The following TDRD15 variants were observed in gnomAD, a reference collection of about 807,000 sequenced individuals.
The protein encoded by TDRD15 is tudor domain-containing protein 15.
For synonymous variants in TDRD15, 503 were observed against 314.5 expected (o/e 1.60, Z -6.34); for missense variants, 1,416 against 904.7 (o/e 1.57, Z -7.25).
At chr2:21,130,216 A>C (rs1271112794) in intron 2 of TDRD15, among the ~76,000 whole-genome samples, 1 of 152,194 alleles carries the variant, frequency 6.6e-6, no homozygotes, top group African/African-American at 2.4e-5. Context: ...TGACAGCTTT[A>C]GTTCTTACCC....
chr2:21,124,531 T>A (rs1342486104), intron 1 of TDRD15, among the ~76,000 whole-genome samples: 2 of 130,722 alleles, frequency 1.5e-5, no homozygotes, highest in African/African-American at 3.0e-5. Flanking sequence ...TGTGTGTGTG[T>A]GAGAGAAACC....
At chr2:21,146,525 C>T (rs899032295), downstream of TDRD15, among the ~76,000 whole-genome samples, 1 of 151,970 alleles carries the variant, frequency 6.6e-6, no homozygotes, top group African/African-American at 2.4e-5. Context: ...TGCTTGCCCA[C>T]ATGCTTGTTT....
chr2:21,126,626 A>G (rs1665604102), intron 1 of TDRD15, among the ~76,000 whole-genome samples: 1 of 152,162 alleles, frequency 6.6e-6, no homozygotes, highest in Non-Finnish European at 1.5e-5. Context: ...TTGGCCTCCC[A>G]AAGTGCTGGG....
At position 21,142,739 on chromosome 2, in the gene TDRD15, A is replaced by T; in HGVS notation, c.5272A>T (p.Ile1758Leu). Residue 1758 changes from isoleucine to leucine, a missense_variant, in exon 4 of 4, where the codon ATA becomes TTA. Physicochemically the swap from Ile to Leu is conservative, Grantham distance 5. Coordinates refer to ENST00000405799, the MANE Select transcript of TDRD15 (RefSeq NM_001306137.2). ...FSIQLEDFFDIMKYLFMLLSD... is the reference protein window; with the variant it reads ...FSIQLEDFFDLMKYLFMLLSD... The stretch of plus-strand genomic sequence containing the variant: ...TATTCAGTTAGAAGATTTCTTTGAC[A>T]TAATGAAATACCTTTTTATGTTGCT... The T allele has an allele frequency of 1.4e-6, 1 of 713,694 alleles. No individual in the cohort carries two copies. Among genetic ancestry groups the T allele is most frequent in the Non-Finnish European group, 2.6e-6 (1 of 383,268 alleles). 44.2% of individuals were successfully genotyped at this position (713,694 alleles called of 1,614,324 possible). A position where few individuals can be genotyped will look rare whatever the true frequency, so the allele number is the denominator to read the frequency against.
intron 2 of TDRD15, among the ~76,000 whole-genome samples, chr2:21,128,048 A>G (rs1258911606): frequency 6.6e-6 from 1 of 152,176 alleles, no homozygotes; most frequent in African/African-American, 2.4e-5. Flanking sequence ...AGATGTGAGG[A>G]CTTCAAGATT....
chr2:21,140,953 T>C lies in TDRD15; in HGVS notation c.3486T>C (p.Asn1162=), dbSNP rs754286142. The C allele has an allele frequency of 2.9e-5, 21 of 712,732 alleles. 2 individuals carry two copies. In the South Asian group the frequency reaches 3.2e-4, roughly 11 times the overall value. The allele number at this position is 712,732 out of a possible 1,614,324, so 44.2% of individuals were successfully genotyped here. A position where few individuals can be genotyped will look rare whatever the true frequency, so the allele number is the denominator to read the frequency against. ...CMEKSNKINE[N]KRFTTSLKGK... The stretch of plus-strand genomic sequence containing the variant: ...AAAAGAGTAATAAAATAAATGAGAA[T>C]AAGAGATTTACTACTTCTTTGAAAG... The change falls in exon 4 of 4, where the codon AAT becomes AAC. Residue 1162 remains asparagine (N), a synonymous_variant. Coordinates refer to ENST00000405799, the MANE Select transcript of TDRD15 (RefSeq NM_001306137.2).
At position 21,132,236 on chromosome 2, in the gene TDRD15, T is replaced by C. The variant is rs564146266; in HGVS notation, c.-89-2526T>C. Among the ~76,000 whole-genome samples, 16 of 152,184 alleles carry C rather than the reference T, an allele frequency of 1.1e-4. No individual in the cohort carries two copies. The East Asian group carries it at 3.1e-3, about 29-fold the overall frequency. ...GAGGTTTTGGTGGTGGTGGTGGTGG[T>C]GATGGTTAGCTCTGTCGGACTTCAT... On this transcript the variant is annotated intron_variant, in intron 2 of 3. Transcript: ENST00000405799.
In TDRD15 at chr2:21,141,850, T is replaced by G. The variant is rs1177095595; in HGVS notation, c.4383T>G (p.Cys1461Trp). ...WEVNMICDEK[C>W]VINELLKWKA... ...TAAATATGATTTGTGATGAAAAATG[T>G]GTCATTAATGAACTACTGAAATGGA... is the stretch of plus-strand genomic sequence containing the variant. Residue 1461 changes from cysteine (C) to tryptophan (W), a missense_variant, in exon 4 of 4, where the codon TGT becomes TGG. By Grantham distance (215) the Cys-to-Trp change is radical. Coordinates refer to ENST00000405799, the MANE Select transcript of TDRD15 (RefSeq NM_001306137.2). The G allele has an allele frequency of 1.4e-6, 1 of 715,174 alleles. No homozygotes were observed. Among genetic ancestry groups the G allele is most frequent in the South Asian group, 1.5e-5 (1 of 67,418 alleles). 44.3% of individuals were successfully genotyped at this position (715,174 alleles called of 1,614,324 possible). A position where few individuals can be genotyped will look rare whatever the true frequency, so the allele number is the denominator to read the frequency against.
Position 21,138,293 on chromosome 2 carries a change from T to G in TDRD15, c.826T>G (p.Leu276Val). The G allele has an allele frequency of 1.4e-6, 1 of 716,472 alleles. No individual in the cohort carries two copies. Among genetic ancestry groups the G allele is most frequent in the Non-Finnish European group, 2.6e-6 (1 of 384,440 alleles). The allele number at this position is 716,472 out of a possible 1,614,324, so 44.4% of individuals were successfully genotyped here. ...AGAAAACTTGACAGCACATATGACT[T>G]TGCATTATGATACCGTCTGTCAAGA... is the stretch of plus-strand genomic sequence containing the variant. ...ELENLTAHMTLHYDTVCQETS... is the reference protein window; with the variant it reads ...ELENLTAHMTVHYDTVCQETS... The change falls in exon 4 of 4, where the codon TTG (leucine) becomes GTG (valine). Residue 276 changes from leucine (L) to valine (V), a missense_variant. Transcript: ENST00000405799.
chr2:21,138,071 C>G lies in TDRD15; in HGVS notation c.604C>G (p.Gln202Glu), dbSNP rs761527317. The stretch of plus-strand genomic sequence containing the variant: ...TGTGGAAATGTTAGAAGAATTCCCT[C>G]AACAAATGCCAGATTTATTACAACA... ...LIVEMLEEFP[Q>E]QMPDLLQHKR... is the part of the protein sequence containing the mutation. Residue 202 changes from glutamine to glutamate, a missense_variant, in exon 4 of 4, where the codon CAA becomes GAA. Physicochemically the swap from Gln to Glu is conservative, Grantham distance 29 (BLOSUM62 2). Coordinates refer to ENST00000405799, the MANE Select transcript of TDRD15 (RefSeq NM_001306137.2). 9.6e-5 allele frequency: 69 copies of G among 715,768 alleles called. No homozygotes were observed. In the African/African-American group the frequency reaches 1.1e-3, roughly 12 times the overall value. The allele number at this position is 715,768 out of a possible 1,614,324, so 44.3% of individuals were successfully genotyped here.
In TDRD15 at chr2:21,138,086, T is replaced by G; in HGVS notation, c.619T>G (p.Leu207Val). The G allele has an allele frequency of 1.4e-6, 1 of 716,192 alleles. No individual in the cohort carries two copies. 44.4% of individuals were successfully genotyped at this position (716,192 alleles called of 1,614,324 possible). A position where few individuals can be genotyped will look rare whatever the true frequency, so the allele number is the denominator to read the frequency against. Reference protein sequence around the residue: ...LEEFPQQMPDLLQHKRPELSL... With the variant: ...LEEFPQQMPDVLQHKRPELSL... ...AGAATTCCCTCAACAAATGCCAGAT[T>G]TATTACAACATAAAAGGCCTGAATT... The change falls in exon 4 of 4, where the codon TTA (leucine) becomes GTA (valine). Residue 207 changes from leucine to valine, a missense_variant. Transcript: ENST00000405799.
chr2:21,143,256 C>G lies in TDRD15; in HGVS notation c.5789C>G (p.Ala1930Gly), dbSNP rs772967787. Residue 1930 changes from alanine to glycine, a missense_variant, in exon 4 of 4, where the codon GCT becomes GGT. Ala to Gly is a moderately conservative substitution (Grantham distance 60). Transcript: ENST00000405799. ...GATGCAATTACTGCTACTGAATCTG[C>G]TAAAAATCCAATATAAATTACAAAG... ...HLDAITATES[A>G]KNPI 10 of 589,872 alleles carry G rather than the reference C, an allele frequency of 1.7e-5. No individual in the cohort carries two copies. Among genetic ancestry groups the G allele is most frequent in the African/African-American group, 1.5e-4 (8 of 52,430 alleles). 36.5% of individuals were successfully genotyped at this position (589,872 alleles called of 1,614,324 possible).
In TDRD15 at chr2:21,138,193, T is replaced by C. The variant is rs1416904886; in HGVS notation, c.726T>C (p.Thr242=). ...AGCCATCTTTGTCAGTAGGAAGTAC[T>C]GAAAGTGTAAAGGTATCATCTGCAT... ...KLQPSLSVGS[T]ESVKVSSALS... is the part of the protein sequence containing the mutation. Residue 242 remains threonine (T), a synonymous_variant, in exon 4 of 4, where the codon ACT becomes ACC. Coordinates refer to ENST00000405799, the MANE Select transcript of TDRD15 (RefSeq NM_001306137.2). The C allele has an allele frequency of 2.0e-5, 14 of 716,612 alleles. No individual in the cohort carries two copies. Among genetic ancestry groups the C allele is most frequent in the Admixed American group, 4.0e-5 (2 of 49,940 alleles). 44.4% of individuals were successfully genotyped at this position (716,612 alleles called of 1,614,324 possible).
At chr2:21,128,443 C>T (rs2103435809) in intron 2 of TDRD15, among the ~76,000 whole-genome samples, 1 of 152,050 alleles carries the variant, frequency 6.6e-6, no homozygotes, top group South Asian at 2.1e-4. Context: ...CTGCCTCAGC[C>T]TCCCGAGTAG....
chr2:21,142,150 G>A lies in TDRD15; in HGVS notation c.4683G>A (p.Thr1561=), dbSNP rs1165821338. 6.9e-5 allele frequency: 46 copies of A among 669,642 alleles called. No individual in the cohort carries two copies. In the Admixed American group the frequency reaches 8.4e-4, roughly 12 times the overall value. The allele number at this position is 669,642 out of a possible 1,614,324, so 41.5% of individuals were successfully genotyped here. The part of the protein sequence containing the change: ...KILSDLIVLI[T]KEEKKSPFLS... Reference sequence around the variant, plus strand: ...TATCAGATTTAATAGTATTAATTACGAAAGAAGAAAAAAAATCCCCTTTTT... The same window carrying A: ...TATCAGATTTAATAGTATTAATTACAAAAGAAGAAAAAAAATCCCCTTTTT... Residue 1561 remains threonine, a synonymous_variant, in exon 4 of 4, where the codon ACG becomes ACA. Coordinates refer to ENST00000405799, the MANE Select transcript of TDRD15 (RefSeq NM_001306137.2).
In TDRD15 at chr2:21,142,357, A is replaced by G; in HGVS notation, c.4890A>G (p.Ile1630Met). ...ATACCAAGCTGCTTAGTAATGAAAT[A>G]AGAAACATTCCTAGACAAGCTGTAC... is the stretch of plus-strand genomic sequence containing the variant. ...VCNTKLLSNE[I>M]RNIPRQAVPC... The change falls in exon 4 of 4, where the codon ATA (isoleucine) becomes ATG (methionine). Residue 1630 changes from isoleucine (I) to methionine (M), a missense_variant. Coordinates refer to ENST00000405799, the MANE Select transcript of TDRD15 (RefSeq NM_001306137.2). 1.4e-6 allele frequency: 1 copy of G among 691,114 alleles called. No individual in the cohort carries two copies. The highest frequency in any genetic ancestry group is 1.6e-5 in the South Asian group (1 of 62,200). The allele number at this position is 691,114 out of a possible 1,614,324, so 42.8% of individuals were successfully genotyped here. A position where few individuals can be genotyped will look rare whatever the true frequency, so the allele number is the denominator to read the frequency against.
chr2:21,131,598 A>G (rs777293247), intron 2 of TDRD15, among the ~76,000 whole-genome samples: 8 of 152,180 alleles, frequency 5.3e-5, no homozygotes, highest in Non-Finnish European at 7.3e-5. Flanking sequence ...GCCTATTGCA[A>G]CACATTGAAT....
downstream of TDRD15, among the ~76,000 whole-genome samples, chr2:21,145,079 AG>A (rs923023413): frequency 6.6e-6 from 1 of 151,962 alleles, no homozygotes; most frequent in African/African-American, 2.4e-5. Context: ...AAGAGCAAAG[AG>A]GCTAGGAGTA....
chr2:21,141,882 G>A lies in TDRD15; in HGVS notation c.4415G>A (p.Cys1472Tyr). ...VINELLKWKA[C>Y]SKLQKSALQM... ...AATGAACTACTGAAATGGAAAGCAT[G>A]TTCAAAACTGCAGAAGTCAGCATTG... is the stretch of plus-strand genomic sequence containing the variant. The change falls in exon 4 of 4, where the codon TGT becomes TAT. Residue 1472 changes from cysteine to tyrosine, a missense_variant. Cys to Tyr is a radical substitution (Grantham distance 194). Transcript: ENST00000405799. 1.4e-6 allele frequency: 1 copy of A among 715,402 alleles called. No homozygotes were observed. Among genetic ancestry groups the A allele is most frequent in the African/African-American group, 1.7e-5 (1 of 57,266 alleles). 44.3% of individuals were successfully genotyped at this position (715,402 alleles called of 1,614,324 possible).
Sources: gnomAD v4.1 joint callset for allele counts (sites outside exome capture counted in the v4.1 genomes callset) on GRCh38, gnomAD v4.1.1 for gene constraint, MANE v1.5 for transcripts, NCBI Gene and HGNC (gene_info 2026-07-23, HGNC 2026-07-21) for gene names.